Variants in RABGAP1L observed in about 807,000 individuals in gnomAD.
RABGAP1L encodes the protein rab GTPase-activating protein 1-like.
A neutral mutation model predicts 137.7 loss-of-function variants in RABGAP1L; 63 were observed. The observed-to-expected ratio is 0.46, with a 90% confidence interval of 0.37 to 0.56. The LOEUF (loss-of-function observed/expected upper bound fraction) is 0.56, where lower values mean the gene tolerates loss of function less well. RABGAP1L is among the 20% of genes least tolerant of loss of function. The probability of loss-of-function intolerance (pLI) is 0.00; values close to 1 mark genes in which losing one functional copy is unlikely to be tolerated. For synonymous variants in RABGAP1L, 431 were observed against 433.7 expected, an observed-to-expected ratio of 0.99 and a Z score of 0.08; for missense variants, 1,095 against 1,244.0, an observed-to-expected ratio of 0.88 and a Z score of 1.80.
At chr1:174,204,267 A>G (rs1422454560) in intron 1 of RABGAP1L, among the ~76,000 whole-genome samples, 1 of 152,154 alleles carries the variant, frequency 6.6e-6, no homozygotes, top group Non-Finnish European at 1.5e-5. Context: ...TTGATTTTGT[A>G]TCCTGAAACT....
chr1:174,434,288 G>A (rs1438898985), intron 13 of RABGAP1L, among the ~76,000 whole-genome samples: 1 of 152,124 alleles, frequency 6.6e-6, no homozygotes, highest in African/African-American at 2.4e-5. Flanking sequence ...ATTCATCCAT[G>A]TTATGTGTGT....
chr1:174,622,283 G>A (rs1254589920), intron 13 of RABGAP1L, among the ~76,000 whole-genome samples: 1 of 152,152 alleles, frequency 6.6e-6, no homozygotes, highest in Non-Finnish European at 1.5e-5. Flanking sequence ...AACCATTGTG[G>A]AAGTCAGTGT....
Position 174,208,431 on chromosome 1 carries a change from A to C in RABGAP1L, c.-33-10694A>C, listed in dbSNP as rs564298329. 1.8e-3 allele frequency among the ~76,000 whole-genome samples: 269 copies of C among 152,158 alleles called. 2 individuals are homozygous for C. Among genetic ancestry groups the C allele is most frequent in the African/African-American group, 6.2e-3 (256 of 41,520 alleles). Reference sequence around the variant, plus strand: ...GATTATTAAGTGTGATGTTTTGTAAATTTATTTATTGGAGGAAATTCCCCT... The same window carrying C: ...GATTATTAAGTGTGATGTTTTGTAACTTTATTTATTGGAGGAAATTCCCCT... On this transcript the variant is annotated intron_variant, in intron 1 of 25. Transcript: ENST00000681986.
intron 19 of RABGAP1L, among the ~76,000 whole-genome samples, chr1:174,882,686 G>T (rs1654426061): frequency 6.6e-6 from 1 of 152,026 alleles, no homozygotes; most frequent in Non-Finnish European, 1.5e-5. Context: ...TTACAGATAA[G>T]AAAAAACAAT....
At chr1:174,732,340 G>A (rs752284106) in intron 17 of RABGAP1L, among the ~76,000 whole-genome samples, 7 of 152,164 alleles carry the variant, frequency 4.6e-5, no homozygotes, top group Admixed American at 2.0e-4. Flanking sequence ...GCTTAAAGCC[G>A]GAGCAGATAG....
intron 13 of RABGAP1L, among the ~76,000 whole-genome samples, chr1:174,432,816 G>C (rs552484413): frequency 6.6e-6 from 1 of 152,142 alleles, no homozygotes; most frequent in African/African-American, 2.4e-5. Flanking sequence ...TATTACAGGC[G>C]TGAGCCACTG....
intron 15 of RABGAP1L, among the ~76,000 whole-genome samples, chr1:174,698,772 G>A (rs187885134): frequency 6.6e-6 from 1 of 152,048 alleles, no homozygotes; most frequent in African/African-American, 2.4e-5. Flanking sequence ...AATGTATATA[G>A]AATATTATCT....
Position 174,699,587 on chromosome 1 carries a change from C to A in RABGAP1L, c.1962C>A (p.Asp654Glu). 1 of 1,609,600 alleles carries A rather than the reference C, an allele frequency of 6.2e-7. No homozygotes were observed. The highest frequency in any genetic ancestry group is 8.5e-7 in the Non-Finnish European group (1 of 1,176,078). ...TCATGTACGACTATGGTTTGAGAGACCTCTACAGAAACAACTTCGAAGATC... is the reference window on the plus strand; with the variant it reads ...TCATGTACGACTATGGTTTGAGAGAACTCTACAGAAACAACTTCGAAGATC... The part of the protein sequence containing the change: ...VKIMYDYGLR[D>E]LYRNNFEDLH... Residue 654 changes from aspartate to glutamate, a missense_variant, in exon 16 of 26, where the codon GAC (aspartate) becomes GAA (glutamate). Transcript: ENST00000681986.
At chr1:174,682,757 A>G (rs1176554818) in intron 14 of RABGAP1L, among the ~76,000 whole-genome samples, 2 of 152,244 alleles carry the variant, frequency 1.3e-5, no homozygotes, top group Non-Finnish European at 2.9e-5. Context: ...GTTAAGTTGA[A>G]TGATATGATA....
intron 13 of RABGAP1L, among the ~76,000 whole-genome samples, chr1:174,454,927 T>C (rs12083972): frequency 0.35 from 53,619 of 152,018 alleles, 12,108 homozygotes; most frequent in African/African-American, 0.64. Flanking sequence ...AAAAGATGGC[T>C]CTGCGTTAGG....
intron 13 of RABGAP1L, among the ~76,000 whole-genome samples, chr1:174,598,524 C>G (rs1670155773): frequency 1.3e-5 from 2 of 152,192 alleles, no homozygotes; most frequent in South Asian, 2.1e-4. Flanking sequence ...CCAACTATTA[C>G]TGTATTGGGG....
In RABGAP1L at chr1:174,608,098, G is replaced by T. The variant is rs181815247; in HGVS notation, c.1711-29277G>T. ...CTAGGGAGACAGCTCAAAGCATTTC[G>T]CAGGGCAGATGTGAGTGCCCAACAA... is the stretch of plus-strand genomic sequence containing the variant. On this transcript the variant is annotated intron_variant, in intron 13 of 25. Coordinates refer to ENST00000681986, the MANE Select transcript of RABGAP1L (RefSeq NM_001366446.1). Among the ~76,000 whole-genome samples the T allele has an allele frequency of 8.5e-5, 13 of 152,198 alleles. No homozygotes were observed. In the East Asian group the frequency reaches 2.5e-3, roughly 29 times the overall value.
intron 13 of RABGAP1L, among the ~76,000 whole-genome samples, chr1:174,600,597 A>G (rs1670333690): frequency 6.6e-6 from 1 of 152,206 alleles, no homozygotes; most frequent in South Asian, 2.1e-4. Context: ...TGCAAGTCCA[A>G]AATCCAGTGA....
chr1:174,944,783 G>T (rs1337012151), intron 19 of RABGAP1L, among the ~76,000 whole-genome samples: 1 of 150,874 alleles, frequency 6.6e-6, no homozygotes, highest in African/African-American at 2.4e-5. Flanking sequence ...TCCACTGTTT[G>T]TTCTTCTCAT....
intron 19 of RABGAP1L, among the ~76,000 whole-genome samples, chr1:174,885,738 C>T (rs988444194): frequency 9.9e-5 from 15 of 151,986 alleles, no homozygotes; most frequent in Non-Finnish European, 1.0e-4. Flanking sequence ...GAGGCTGAGG[C>T]GAGTGGATCA....
At chr1:174,232,925 C>T (rs1196087250) in intron 4 of RABGAP1L, among the ~76,000 whole-genome samples, 1 of 152,050 alleles carries the variant, frequency 6.6e-6, no homozygotes, top group Non-Finnish European at 1.5e-5. Flanking sequence ...TCTTCTTAGC[C>T]TGTTTGGGCT....
chr1:174,960,767 C>T (rs929058336), intron 20 of RABGAP1L, among the ~76,000 whole-genome samples: 6 of 152,152 alleles, frequency 3.9e-5, no homozygotes, highest in African/African-American at 1.2e-4. Context: ...GAAATTAGAG[C>T]TAATTAGTGA....
chr1:174,387,786 C>T (rs540401439), intron 12 of RABGAP1L, among the ~76,000 whole-genome samples: 12 of 151,912 alleles, frequency 7.9e-5, no homozygotes, highest in Non-Finnish European at 1.3e-4. Flanking sequence ...TATTAATGGA[C>T]TTTAGGAAAT....
At chr1:174,587,036 A>T (rs1422954452) in intron 13 of RABGAP1L, among the ~76,000 whole-genome samples, 1 of 151,592 alleles carries the variant, frequency 6.6e-6, no homozygotes, top group Non-Finnish European at 1.5e-5. Flanking sequence ...ACTGAGAATG[A>T]TGGTTTCCAA....
Sources: allele counts gnomAD v4.1 joint callset (sites outside exome capture counted in the v4.1 genomes callset), GRCh38; gene constraint gnomAD v4.1.1; transcripts MANE v1.5; gene names NCBI Gene and HGNC (gene_info 2026-07-23, HGNC 2026-07-21).